GFRA1: variants seen among roughly 807,000 people sequenced by gnomAD.
The protein encoded by GFRA1 is GDNF family receptor alpha-1.
Under a neutral mutation model 51.6 loss-of-function variants are expected in GFRA1, and 16 were observed. The ratio of observed to expected loss-of-function variants is 0.31; its 90% CI spans 0.21 to 0.47. The LOEUF (loss-of-function observed/expected upper bound fraction) is 0.47, where lower values mean the gene tolerates loss of function less well. Among genes scored for constraint, GFRA1 ranks in the 20% least tolerant of loss-of-function variants. The pLI, the probability that GFRA1 is intolerant of heterozygous loss-of-function variation, is 1.00. For missense variants in GFRA1, 530 were observed against 594.3 expected (o/e 0.89, Z 1.13); for synonymous variants, 270 against 241.3 (o/e 1.12, Z -1.10).
chr10:116,164,090 T>G (rs1228852420), intron 5 of GFRA1, among the ~76,000 whole-genome samples: 1 of 152,136 alleles, frequency 6.6e-6, no homozygotes, highest in Non-Finnish European at 1.5e-5. Context: ...ACGGCCACTC[T>G]TCTCAGCCCT....
intron 5 of GFRA1, among the ~76,000 whole-genome samples, chr10:116,188,952 A>G (rs1385171286): frequency 2.0e-5 from 3 of 151,306 alleles, no homozygotes; most frequent in African/African-American, 7.3e-5. Flanking sequence ...TATTATCACA[A>G]TTTAAAAAAA....
In GFRA1 at chr10:116,202,041, C is replaced by T. The variant is rs537189913; in HGVS notation, c.433+9590G>A. Among the ~76,000 whole-genome samples the T allele has an allele frequency of 5.9e-5, 9 of 152,280 alleles. No homozygotes were observed. The South Asian group carries it at 1.2e-3, about 21-fold the overall frequency. The stretch of plus-strand genomic sequence containing the variant: ...AGCCCACACAAAACACCGATTCCTC[C>T]GAGCTTTGTCCTCTTTTCCACTTTC... On this transcript the variant is annotated intron_variant, in intron 5 of 10. Coordinates refer to ENST00000355422, the MANE Select transcript of GFRA1 (RefSeq NM_005264.8).
chr10:116,137,080 T>C (rs1381215465), intron 5 of GFRA1, among the ~76,000 whole-genome samples: 1 of 152,194 alleles, frequency 6.6e-6, no homozygotes, highest in Non-Finnish European at 1.5e-5. Context: ...TCATTATCCA[T>C]AGTCACACGG....
chr10:116,176,110 T>C (rs1961564674), intron 5 of GFRA1, among the ~76,000 whole-genome samples: 1 of 152,216 alleles, frequency 6.6e-6, no homozygotes, highest in Non-Finnish European at 1.5e-5. Flanking sequence ...TATGCTTTTA[T>C]AGCCCAAGGA....
intron 5 of GFRA1, among the ~76,000 whole-genome samples, chr10:116,138,324 A>C (rs1405849997): frequency 2.0e-5 from 3 of 152,180 alleles, no homozygotes. Context: ...ACTTCCAGGC[A>C]CTTCCAATGA....
intron 4 of GFRA1, among the ~76,000 whole-genome samples, chr10:116,223,001 G>C (rs1402482566): frequency 6.6e-6 from 1 of 152,036 alleles, no homozygotes; most frequent in Middle Eastern, 3.2e-3. Context: ...CTATACAGAA[G>C]GATGTGCATA....
intron 6 of GFRA1, among the ~76,000 whole-genome samples, chr10:116,112,406 C>A (rs1957248295): frequency 6.6e-6 from 1 of 152,150 alleles, no homozygotes. Context: ...TCATTTAGTT[C>A]TCCCTGTGGC....
At chr10:116,100,523 A>C (rs1044424619) in intron 6 of GFRA1, among the ~76,000 whole-genome samples, 1 of 152,182 alleles carries the variant, frequency 6.6e-6, no homozygotes, top group Non-Finnish European at 1.5e-5. Context: ...AGATCAAATG[A>C]GTAGTGATGG....
chr10:116,131,053 A>T (rs979735108), intron 5 of GFRA1, among the ~76,000 whole-genome samples: 1 of 152,150 alleles, frequency 6.6e-6, no homozygotes, highest in African/African-American at 2.4e-5. Flanking sequence ...AAAATATATT[A>T]AAAATGCCCA....
chr10:116,197,748 G>C (rs1041410424), intron 5 of GFRA1, among the ~76,000 whole-genome samples: 3 of 152,188 alleles, frequency 2.0e-5, no homozygotes, highest in African/African-American at 2.4e-5. Context: ...AGAGTTTCGG[G>C]GCAGTGTGTT....
intron 4 of GFRA1, among the ~76,000 whole-genome samples, chr10:116,245,940 CAG>C (rs1201421240): frequency 1.2e-4 from 18 of 152,114 alleles, no homozygotes; most frequent in Admixed American, 1.2e-3. Context: ...GAGGGATAAA[CAG>C]GGGAAGCCCA....
chr10:116,093,783 A>T lies in GFRA1; in HGVS notation c.934T>A (p.Trp312Arg). ...TTCCCACTGTTGCTGCAGTCACACC[A>T]TGGGGCCACACTGAGGCTACTGGAG... ...IDSSSLSVAP[W>R]CDCSNSGNDL... Residue 312 changes from tryptophan to arginine, a missense_variant, in exon 8 of 11, where the codon TGG (tryptophan) becomes AGG (arginine). Physicochemically the swap from Trp to Arg is moderately radical, Grantham distance 101. Coordinates refer to ENST00000355422, the MANE Select transcript of GFRA1 (RefSeq NM_005264.8). 2 of 1,613,798 alleles carry T rather than the reference A, an allele frequency of 1.2e-6. No individual in the cohort carries two copies. Among genetic ancestry groups the T allele is most frequent in the Non-Finnish European group, 1.7e-6 (2 of 1,179,654 alleles).
At chr10:116,185,316 G>A (rs2134292528) in intron 5 of GFRA1, among the ~76,000 whole-genome samples, 1 of 152,178 alleles carries the variant, frequency 6.6e-6, no homozygotes, top group East Asian at 1.9e-4. Flanking sequence ...TGTATTTGAT[G>A]CACAGAGGTG....
chr10:116,171,051 T>G (rs553429662), intron 5 of GFRA1, among the ~76,000 whole-genome samples: 1 of 152,358 alleles, frequency 6.6e-6, no homozygotes, highest in East Asian at 1.9e-4. Flanking sequence ...CCTCTCTCCC[T>G]GACAGTCAGG....
intron 4 of GFRA1, among the ~76,000 whole-genome samples, chr10:116,230,517 T>C (rs951636009): frequency 6.6e-6 from 1 of 152,198 alleles, no homozygotes; most frequent in Non-Finnish European, 1.5e-5. Context: ...CACACACATA[T>C]ATAGATATAA....
At position 116,071,280 on chromosome 10, in the gene GFRA1, C is replaced by T. The variant is rs115320856; in HGVS notation, c.1198-5654G>A. 5.1e-3 allele frequency among the ~76,000 whole-genome samples: 783 copies of T among 152,296 alleles called. 7 individuals are homozygous for T. The highest frequency in any genetic ancestry group is 0.018 in the African/African-American group (732 of 41,558). ...CCTGCTCCCCCTGAAGATGCTTTGT[C>T]TCTGTGTTGCCTGAACCTCAGCCAG... On this transcript the variant is annotated intron_variant, in intron 9 of 10. Transcript: ENST00000355422.
At chr10:116,108,550 T>C (rs1957085910) in intron 6 of GFRA1, among the ~76,000 whole-genome samples, 2 of 152,096 alleles carry the variant, frequency 1.3e-5, no homozygotes, top group Non-Finnish European at 2.9e-5. Flanking sequence ...CTCCTTTTTT[T>C]ATTTCTTTAG....
At chr10:116,133,135 A>G (rs1565599619) in intron 5 of GFRA1, among the ~76,000 whole-genome samples, 1 of 151,522 alleles carries the variant, frequency 6.6e-6, no homozygotes, top group Non-Finnish European at 1.5e-5. Flanking sequence ...AACGCTGTTT[A>G]CTAGAAATCC....
Position 116,272,117 on chromosome 10 carries a change from C to G in GFRA1, c.-88G>C. Reference sequence around the variant, plus strand: ...CCGAGGGAGCTCAGCGTGCAGCGATCCCCGGACAGCTGTGCTGCTCTGGCC... The same window carrying G: ...CCGAGGGAGCTCAGCGTGCAGCGATGCCCGGACAGCTGTGCTGCTCTGGCC... On this transcript the variant is annotated 5_prime_UTR_variant, in exon 2 of 11. Transcript: ENST00000355422. The surrounding 1 kb of genome is among the most constrained non-coding windows in gnomAD (Gnocchi z 4.4). 1 of 1,112,168 alleles carries G rather than the reference C, an allele frequency of 9.0e-7. No homozygotes were observed. The highest frequency in any genetic ancestry group is 1.3e-6 in the Non-Finnish European group (1 of 748,348). 68.9% of individuals were successfully genotyped at this position (1,112,168 alleles called of 1,614,324 possible). A position where few individuals can be genotyped will look rare whatever the true frequency, so the allele number is the denominator to read the frequency against.
Sources: gnomAD v4.1 joint callset for allele counts (sites outside exome capture counted in the v4.1 genomes callset) on GRCh38, gnomAD v4.1.1 for gene constraint, Gnocchi (gnomAD v3.1) non-coding constraint, MANE v1.5 for transcripts, NCBI Gene and HGNC (gene_info 2026-07-23, HGNC 2026-07-21) for gene names.